Variants in NUP93 observed in about 807,000 individuals in gnomAD.
NUP93 encodes nuclear pore complex protein Nup93.
Under a neutral mutation model 107.8 loss-of-function variants are expected in NUP93, and 55 were observed. The ratio of observed to expected loss-of-function variants is 0.51; its 90% CI spans 0.41 to 0.64. NUP93 has a LOEUF of 0.64. Among genes scored for constraint, NUP93 ranks in the 30% least tolerant of loss-of-function variants. The probability of loss-of-function intolerance (pLI) is 0.00; values close to 1 mark genes in which losing one functional copy is unlikely to be tolerated. For missense variants in NUP93, 937 were observed against 1,044.7 expected (o/e 0.90, Z 1.42); for synonymous variants, 390 against 397.5 (o/e 0.98, Z 0.22).
intron 3 of NUP93, among the ~76,000 whole-genome samples, chr16:56,758,881 C>G (rs1341416215): frequency 6.6e-6 from 1 of 152,202 alleles, no homozygotes; most frequent in Non-Finnish European, 1.5e-5. Flanking sequence ...TTCCAACCTG[C>G]ACTTTTTAGA....
At chr16:56,836,498 C>CAA (rs1401702236) in intron 16 of NUP93, 103 bp from the exon 17 acceptor site, 2 of 710,698 alleles carry the variant, frequency 2.8e-6, no homozygotes, top group African/African-American at 3.5e-5. Context: ...CAAGCAATTC[C>CAA]ACTTGAAGTA....
At chr16:56,797,632 GA>G (rs1962928980) in intron 3 of NUP93, among the ~76,000 whole-genome samples, 1 of 152,182 alleles carries the variant, frequency 6.6e-6, no homozygotes, top group South Asian at 2.1e-4. Context: ...TTCACTAATG[GA>G]AGTCACCAAC....
At chr16:56,833,879 G>C (rs1963854356) in intron 13 of NUP93, among the ~76,000 whole-genome samples, 1 of 152,172 alleles carries the variant, frequency 6.6e-6, no homozygotes, top group South Asian at 2.1e-4. Context: ...TCGTCAGTTG[G>C]ATTATGTTTT....
intron 12 of NUP93, 73 bp downstream of exon 12, chr16:56,832,461 A>G (rs1184110123): frequency 1.7e-6 from 2 of 1,185,790 alleles, no homozygotes; most frequent in Admixed American, 3.5e-5. Flanking sequence ...TTCCTCTGGG[A>G]AAATTTTTCA....
chr16:56,796,315 C>T (rs1158818324), intron 3 of NUP93, among the ~76,000 whole-genome samples: 1 of 152,172 alleles, frequency 6.6e-6, no homozygotes, highest in Non-Finnish European at 1.5e-5. Context: ...CATTGTGTTA[C>T]AGTTGCCTGT....
intron 16 of NUP93, 39 bp downstream of exon 16, chr16:56,834,817 A>G: frequency 2.7e-6 from 4 of 1,476,692 alleles, no homozygotes; most frequent in African/African-American, 2.8e-5. Context: ...TTCGTTAGCC[A>G]TTGGGGATTT....
At chr16:56,807,752 GT>G (rs1357856230) in intron 5 of NUP93, among the ~76,000 whole-genome samples, 1 of 152,012 alleles carries the variant, frequency 6.6e-6, no homozygotes, top group African/African-American at 2.4e-5. Flanking sequence ...CCCGGGCGCG[GT>G]GGTTCACGCC....
chr16:56,805,132 A>T (rs1212806349), intron 4 of NUP93, among the ~76,000 whole-genome samples: 4 of 151,998 alleles, frequency 2.6e-5, no homozygotes, highest in Non-Finnish European at 4.4e-5. Context: ...ATCACAGCTC[A>T]CTGCAGCCTC....
chr16:56,833,843 A>G (rs1285252715), intron 13 of NUP93, among the ~76,000 whole-genome samples: 1 of 152,140 alleles, frequency 6.6e-6, no homozygotes, highest in Non-Finnish European at 1.5e-5. Flanking sequence ...TGTTGCAGCA[A>G]AGTCATCCCA....
chr16:56,826,666 G>A (rs956847980), intron 8 of NUP93, among the ~76,000 whole-genome samples: 1 of 152,014 alleles, frequency 6.6e-6, no homozygotes, highest in Non-Finnish European at 1.5e-5. Context: ...GGGAGGACCC[G>A]TATACCATCT....
chr16:56,772,279 C>T (rs1455345950), intron 3 of NUP93, among the ~76,000 whole-genome samples: 2 of 152,146 alleles, frequency 1.3e-5, no homozygotes, highest in African/African-American at 4.8e-5. Flanking sequence ...GTTAGAATGG[C>T]TCCCACAGCT....
intron 4 of NUP93, among the ~76,000 whole-genome samples, chr16:56,800,706 A>G (rs764806029): frequency 3.3e-5 from 5 of 152,254 alleles, no homozygotes; most frequent in Non-Finnish European, 7.3e-5. Context: ...TCCTGCTGAA[A>G]TGCCAGGAAA....
chr16:56,738,313 A>G (rs1366933164), intron 1 of NUP93, among the ~76,000 whole-genome samples: 1 of 152,190 alleles, frequency 6.6e-6, no homozygotes, highest in African/African-American at 2.4e-5. Flanking sequence ...GAAAGTTACT[A>G]TGTGGATAAT....
intron 10 of NUP93, among the ~76,000 whole-genome samples, chr16:56,830,892 C>T (rs560231748): frequency 2.7e-4 from 41 of 152,278 alleles, no homozygotes; most frequent in African/African-American, 9.6e-4. Flanking sequence ...GATGTCTAGG[C>T]ATGCATGCAT....
chr16:56,808,146 CTATATATAATATATAGTTATATAACT>C (rs1963191999), intron 5 of NUP93, among the ~76,000 whole-genome samples: 1 of 85,018 alleles, frequency 1.2e-5, no homozygotes, highest in Non-Finnish European at 2.3e-5. Context: ...ATTTATATAA[CTATATATAATATATAGTTATATAACT>C]ATATAAAATA....
At chr16:56,772,142 C>T (rs1350388084) in intron 3 of NUP93, among the ~76,000 whole-genome samples, 1 of 152,166 alleles carries the variant, frequency 6.6e-6, no homozygotes, top group Non-Finnish European at 1.5e-5. Flanking sequence ...TCAGCAGGAG[C>T]TGCCATTGCT....
intron 5 of NUP93, among the ~76,000 whole-genome samples, chr16:56,816,717 A>AGG (rs1490400208): frequency 6.6e-6 from 1 of 152,116 alleles, no homozygotes; most frequent in African/African-American, 2.4e-5. Flanking sequence ...AGTCTGGAAA[A>AGG]GGGTATATTC....
Position 56,823,796 on chromosome 16 carries a change from G to C in NUP93, c.744G>C (p.Val248=). 1 of 1,614,180 alleles carries C rather than the reference G, an allele frequency of 6.2e-7. No homozygotes were observed. The highest frequency in any genetic ancestry group is 8.5e-7 in the Non-Finnish European group (1 of 1,180,034). ...ATGCCCTGAAGAACCGCAGCAGCGT[G>C]GAAGTGCGCATGGAGTTTGTCAGGC... The part of the protein sequence containing the change: ...ATDALKNRSS[V]EVRMEFVRQA... Residue 248 remains valine (V), a synonymous_variant, in exon 8 of 22, where the codon GTG becomes GTC. Transcript: ENST00000308159.
At chr16:56,739,039 C>T (rs1389020690) in intron 1 of NUP93, among the ~76,000 whole-genome samples, 8 of 148,426 alleles carry the variant, frequency 5.4e-5, no homozygotes, top group African/African-American at 2.0e-4. Context: ...GGGGTAAGGT[C>T]ACAGATCAAC....
Sources: allele counts gnomAD v4.1 joint callset (sites outside exome capture counted in the v4.1 genomes callset), GRCh38; gene constraint gnomAD v4.1.1; transcripts MANE v1.5; gene names NCBI Gene and HGNC (gene_info 2026-07-23, HGNC 2026-07-21).